The following B4GALT5 variants were observed in gnomAD, a reference collection of about 807,000 sequenced individuals.
B4GALT5 encodes UDP-Gal:beta-GlcNAc beta-1,4-galactosyltransferase 5.
In B4GALT5, 11 loss-of-function variants were observed where a neutral mutation model predicts 45.0. The observed-to-expected ratio is 0.24, with a 90% CI of 0.15 to 0.40. The LOEUF (loss-of-function observed/expected upper bound fraction) is 0.40, where lower values mean the gene tolerates loss of function less well. Among genes scored for constraint, B4GALT5 ranks in the 10% least tolerant of loss-of-function variants. B4GALT5 has a pLI of 1.00. For synonymous variants in B4GALT5, 185 were observed against 182.9 expected, an observed-to-expected ratio of 1.01 and a Z score of -0.09; for missense variants, 337 against 500.2, an observed-to-expected ratio of 0.67 and a Z score of 3.11.
chr20:49,655,685 T>C (rs1254076843), intron 2 of B4GALT5, among the ~76,000 whole-genome samples: 1 of 151,892 alleles, frequency 6.6e-6, no homozygotes, highest in African/African-American at 2.4e-5. Flanking sequence ...TCCCAGCACT[T>C]TGGGAGGCCG....
chr20:49,709,964 A>G (rs889957876), intron 1 of B4GALT5, among the ~76,000 whole-genome samples: 1 of 152,180 alleles, frequency 6.6e-6, no homozygotes, highest in Non-Finnish European at 1.5e-5. Context: ...AAGTCCAAGA[A>G]AAGTTTCCTT....
intron 1 of B4GALT5, among the ~76,000 whole-genome samples, chr20:49,689,994 TTTG>T (rs1373999618): frequency 3.9e-5 from 6 of 152,142 alleles, no homozygotes; most frequent in Admixed American, 2.0e-4. Flanking sequence ...CACAAGTGTT[TTTG>T]TTGTTGTTAT....
At chr20:49,674,575 A>G (rs2085729843) in intron 1 of B4GALT5, among the ~76,000 whole-genome samples, 1 of 151,666 alleles carries the variant, frequency 6.6e-6, no homozygotes, top group Admixed American at 6.6e-5. Flanking sequence ...CAGCCGCAGG[A>G]CTGCTCATGG....
At chr20:49,686,537 A>C (rs889098242) in intron 1 of B4GALT5, among the ~76,000 whole-genome samples, 2 of 151,966 alleles carry the variant, frequency 1.3e-5, no homozygotes, top group African/African-American at 2.4e-5. Flanking sequence ...AAAAAAATAC[A>C]TTTACTCTTA....
chr20:49,664,042 A>G (rs575860267), intron 1 of B4GALT5, among the ~76,000 whole-genome samples: 1 of 152,226 alleles, frequency 6.6e-6, no homozygotes, highest in Admixed American at 6.5e-5. Context: ...CACAACTGAC[A>G]TTTGTAATTT....
intron 5 of B4GALT5, 121 bp downstream of exon 5, chr20:49,642,347 G>C (rs143274146): frequency 4.0e-5 from 30 of 757,362 alleles, no homozygotes; most frequent in Non-Finnish European, 6.4e-5. Context: ...TCAAACCTCA[G>C]GCAACTCGAT....
At chr20:49,700,796 T>C (rs1309527826) in intron 1 of B4GALT5, among the ~76,000 whole-genome samples, 2 of 152,166 alleles carry the variant, frequency 1.3e-5, no homozygotes, top group Non-Finnish European at 2.9e-5. Flanking sequence ...TGGTGAAAGA[T>C]TTCATCACGC....
At chr20:49,706,197 C>CAAA (rs11483927) in intron 1 of B4GALT5, among the ~76,000 whole-genome samples, 8 of 133,278 alleles carry the variant, frequency 6.0e-5, no homozygotes, top group Admixed American at 2.3e-4. Context: ...AACTCCATCT[C>CAAA]AAAAAAAAAA....
intron 3 of B4GALT5, 68 bp downstream of exon 3, chr20:49,646,893 CAGAG>C (rs1394712848): frequency 6.7e-6 from 6 of 897,228 alleles, no homozygotes; most frequent in Admixed American, 4.9e-5. Context: ...TGCAGGCAGA[CAGAG>C]AGATCAAGAG....
At chr20:49,699,696 A>T (rs1258744227) in intron 1 of B4GALT5, among the ~76,000 whole-genome samples, 9 of 152,228 alleles carry the variant, frequency 5.9e-5, no homozygotes, top group African/African-American at 1.9e-4. Flanking sequence ...TAAGTCAAAG[A>T]GAAAAGTCAA....
At chr20:49,712,381 A>G (rs1429795075) in intron 1 of B4GALT5, among the ~76,000 whole-genome samples, 1 of 140,184 alleles carries the variant, frequency 7.1e-6, no homozygotes, top group African/African-American at 2.7e-5. Context: ...TCCGCTCTTA[A>G]CCTTCATGCT....
At chr20:49,666,642 G>A (rs1394038533) in intron 1 of B4GALT5, among the ~76,000 whole-genome samples, 2 of 152,136 alleles carry the variant, frequency 1.3e-5, no homozygotes, top group East Asian at 3.9e-4. Flanking sequence ...ATGCTTGCTA[G>A]TGCTCTCTCC....
Position 49,689,266 on chromosome 20 carries a change from T to C in B4GALT5, c.115+24310A>G, listed in dbSNP as rs191834698. 1.1e-4 allele frequency among the ~76,000 whole-genome samples: 16 copies of C among 152,258 alleles called. No homozygotes were observed. In the Middle Eastern group the frequency reaches 0.014, roughly 129 times the overall value. Reference sequence around the variant, plus strand: ...TCAGAAAAAAAATATTTAGACTCAATGAGAAAGATAAGAGAGATCCTTAAC... The same window carrying C: ...TCAGAAAAAAAATATTTAGACTCAACGAGAAAGATAAGAGAGATCCTTAAC... On this transcript the variant is annotated intron_variant, in intron 1 of 8. Coordinates refer to ENST00000371711, the MANE Select transcript of B4GALT5 (RefSeq NM_004776.4).
chr20:49,656,508 G>T, intron 2 of B4GALT5, 60 bp downstream of exon 2: 1 of 1,587,892 alleles, frequency 6.3e-7, no homozygotes, highest in South Asian at 1.1e-5. Context: ...TATTGCAACC[G>T]AATTTACCTC....
intron 1 of B4GALT5, among the ~76,000 whole-genome samples, chr20:49,668,399 G>A (rs1272131516): frequency 4.0e-5 from 6 of 151,854 alleles, no homozygotes; most frequent in Admixed American, 3.9e-4. Context: ...GTACTTTACT[G>A]ATCTAAGCTT....
At position 49,635,442 on chromosome 20, in the gene B4GALT5, T is replaced by TGG. The variant is rs11481143; in HGVS notation, c.*868_*869dup. On this transcript the variant is annotated 3_prime_UTR_variant, in exon 9 of 9. Transcript: ENST00000371711. The stretch of plus-strand genomic sequence containing the variant: ...GAGCAGAAGTCAAGGGCAAGACTCG[T>TGG]GGGGGGGGGAAGAAAGGGACAGAAG... 3.6e-3 allele frequency: 539 copies of TGG among 150,274 alleles called. 2 individuals carry two copies. Among genetic ancestry groups the TGG allele is most frequent in the South Asian group, 0.023 (110 of 4,728 alleles). The allele number at this position is 150,274 out of a possible 1,614,324, so 9.3% of individuals were successfully genotyped here.
At chr20:49,647,124 C>G (rs1174236738) in intron 2 of B4GALT5, 46 bp from the exon 3 acceptor site, 1 of 1,211,112 alleles carries the variant, frequency 8.3e-7, no homozygotes, top group South Asian at 1.3e-5. Flanking sequence ...TATGTGTGAT[C>G]AACCGTGCAA....
rs1984454111 is a variant in B4GALT5 at position 49,634,293 on chromosome 20, A to G, written c.*2019T>C. 6.6e-6 allele frequency: 1 copy of G among 152,352 alleles called. No individual in the cohort carries two copies. Among genetic ancestry groups the G allele is most frequent in the Non-Finnish European group, 1.5e-5 (1 of 67,988 alleles). 9.4% of individuals were successfully genotyped at this position (152,352 alleles called of 1,614,324 possible). ...CATCACATGCAACGAAAAAAGCCCT[A>G]ACCCACACACATACACACACACACC... On this transcript the variant is annotated 3_prime_UTR_variant, in exon 9 of 9. Transcript: ENST00000371711.
At chr20:49,658,066 C>T (rs564495954) in intron 1 of B4GALT5, among the ~76,000 whole-genome samples, 157 of 152,232 alleles carry the variant, frequency 1.0e-3, no homozygotes, top group African/African-American at 3.5e-3. Flanking sequence ...GAATGCTTTC[C>T]GAAATGAGGG....
Sources: gnomAD v4.1 joint callset for allele counts (sites outside exome capture counted in the v4.1 genomes callset) on GRCh38, gnomAD v4.1.1 for gene constraint, MANE v1.5 for transcripts, NCBI Gene and HGNC (gene_info 2026-07-23, HGNC 2026-07-21) for gene names.